UTRN: variants seen among roughly 807,000 people sequenced by gnomAD.
UTRN encodes the protein dystrophin-related protein 1.
UTRN carries 283 observed loss-of-function variants against 463.9 expected under a neutral mutation model. The ratio of observed to expected loss-of-function variants is 0.61; its 90% CI spans 0.55 to 0.67. The LOEUF is 0.67. Among genes scored for constraint, UTRN ranks in the 30% least tolerant of loss-of-function variants. The probability of loss-of-function intolerance (pLI) is 0.00; values close to 1 mark genes in which losing one functional copy is unlikely to be tolerated. For missense variants in UTRN, 3,922 were observed against 4,084.3 expected (o/e 0.96, Z 1.08); for synonymous variants, 1,442 against 1,431.5 (o/e 1.01, Z -0.17).
At chr6:144,655,171 T>A (rs1779200842) in intron 51 of UTRN, among the ~76,000 whole-genome samples, 1 of 152,246 alleles carries the variant, frequency 6.6e-6, no homozygotes, top group Admixed American at 6.5e-5. Context: ...GAGTTTTCCC[T>A]TTCATCAGGG....
At chr6:144,374,523 C>T (rs890591399) in intron 2 of UTRN, among the ~76,000 whole-genome samples, 2 of 151,282 alleles carry the variant, frequency 1.3e-5, no homozygotes, top group African/African-American at 4.9e-5. Context: ...CTCACTCTGT[C>T]ACCAGGCTGG....
intron 2 of UTRN, chr6:144,344,183 T>C (rs1416265257): frequency 1.5e-6 from 2 of 1,303,186 alleles, no homozygotes; most frequent in South Asian, 2.5e-5. Context: ...CCACATCTTT[T>C]TCCTCATCAT....
intron 46 of UTRN, among the ~76,000 whole-genome samples, chr6:144,543,828 G>A (rs1319658003): frequency 2.0e-5 from 3 of 149,406 alleles, no homozygotes; most frequent in Non-Finnish European, 3.0e-5. Context: ...TTCATTTTTC[G>A]AGATTGCAAG....
chr6:144,360,410 T>C, intron 2 of UTRN, among the ~76,000 whole-genome samples: 1 of 152,112 alleles, frequency 6.6e-6, no homozygotes, highest in Non-Finnish European at 1.5e-5. Flanking sequence ...TGACCTCAAG[T>C]GATCCATCCA....
chr6:144,828,152 C>G (rs774079268), intron 68 of UTRN, among the ~76,000 whole-genome samples: 16 of 152,080 alleles, frequency 1.1e-4, no homozygotes, highest in Non-Finnish European at 1.9e-4. Flanking sequence ...GTCTGTGATT[C>G]TAGTAAGTAG....
chr6:144,695,493 G>A (rs1420398957), intron 52 of UTRN, among the ~76,000 whole-genome samples: 5 of 152,092 alleles, frequency 3.3e-5, no homozygotes, highest in Middle Eastern at 3.4e-3. Context: ...ACAGGCACCC[G>A]CCATTACGCC....
chr6:144,468,172 A>G (rs1293348096), intron 23 of UTRN, among the ~76,000 whole-genome samples: 1 of 152,128 alleles, frequency 6.6e-6, no homozygotes, highest in Non-Finnish European at 1.5e-5. Flanking sequence ...TTAAATCCAG[A>G]TTTACCAAGC....
At chr6:144,431,132 ATCT>A (rs1162724564) in intron 9 of UTRN, among the ~76,000 whole-genome samples, 1 of 152,098 alleles carries the variant, frequency 6.6e-6, no homozygotes, top group Non-Finnish European at 1.5e-5. Context: ...GGCTCAGATG[ATCT>A]TCTGAGTTTG....
intron 19 of UTRN, among the ~76,000 whole-genome samples, chr6:144,454,770 C>T (rs919355812): frequency 2.6e-5 from 4 of 152,188 alleles, no homozygotes; most frequent in South Asian, 4.2e-4. Flanking sequence ...TACCTTTACT[C>T]GTTCCTCAGC....
chr6:144,705,061 G>T (rs1586123751), intron 53 of UTRN, among the ~76,000 whole-genome samples: 1 of 152,288 alleles, frequency 6.6e-6, no homozygotes, highest in East Asian at 1.9e-4. Flanking sequence ...AAAGTCCAGT[G>T]TCACATTTTT....
chr6:144,502,937 G>A (rs1044002418), intron 34 of UTRN, among the ~76,000 whole-genome samples: 1 of 151,992 alleles, frequency 6.6e-6, no homozygotes, highest in Non-Finnish European at 1.5e-5. Context: ...TTTAATAATC[G>A]CTATTCTACC....
At chr6:144,509,305 T>A (rs1319725399) in intron 34 of UTRN, among the ~76,000 whole-genome samples, 1 of 152,088 alleles carries the variant, frequency 6.6e-6, no homozygotes, top group Non-Finnish European at 1.5e-5. Context: ...AATATACTTT[T>A]CGGTTTTTTT....
chr6:144,470,149 A>G (rs1238949332), intron 23 of UTRN, among the ~76,000 whole-genome samples: 2 of 151,864 alleles, frequency 1.3e-5, no homozygotes, highest in African/African-American at 4.8e-5. Context: ...TTTTCCCCAC[A>G]CTTCCCCCCC....
Position 144,344,221 on chromosome 6 carries a change from T to C in UTRN, c.79+52314T>C, listed in dbSNP as rs6917261. The C allele has an allele frequency of 0.035, 45,130 of 1,303,976 alleles. 9,576 individuals carry two copies. The African/African-American group carries it at 0.52, about 15-fold the overall frequency. The allele number at this position is 1,303,976 out of a possible 1,614,324, so 80.8% of individuals were successfully genotyped here. ...AAGCAGATGTAGGTGATGAGCGGCC[T>C]GGCAGCCACCACGTTTCATTGGAAA... On this transcript the variant is annotated intron_variant, in intron 2 of 74. Coordinates refer to ENST00000367545, the MANE Select transcript of UTRN (RefSeq NM_007124.3).
At chr6:144,336,547 A>C (rs1248462192) in intron 2 of UTRN, among the ~76,000 whole-genome samples, 4 of 152,076 alleles carry the variant, frequency 2.6e-5, no homozygotes, top group South Asian at 2.1e-4. Flanking sequence ...CCTTCCCATG[A>C]AGCTTGAAAG....
At chr6:144,434,037 C>T (rs1025305424) in intron 9 of UTRN, among the ~76,000 whole-genome samples, 16 of 152,238 alleles carry the variant, frequency 1.1e-4, no homozygotes, top group East Asian at 1.9e-4. Context: ...CGCCACTGCA[C>T]TCCAGCCTGG....
chr6:144,418,422 A>T (rs1318507999), intron 3 of UTRN, among the ~76,000 whole-genome samples: 2 of 146,190 alleles, frequency 1.4e-5, no homozygotes, highest in Non-Finnish European at 3.0e-5. Flanking sequence ...ACGGGATTTC[A>T]CTGTGTTAGC....
chr6:144,842,110 C>CAAAAAAAAA (rs35954430), intron 73 of UTRN, among the ~76,000 whole-genome samples: 1 of 62,102 alleles, frequency 1.6e-5, no homozygotes. Context: ...ACTTCCTCTC[C>CAAAAAAAAA]AAAAAAAAAA....
intron 54 of UTRN, 60 bp from the exon 55 acceptor site, chr6:144,748,186 G>A: frequency 3.9e-6 from 6 of 1,522,544 alleles, no homozygotes; most frequent in Non-Finnish European, 4.4e-6. Context: ...ACTCACACTT[G>A]GCTATTAAGA....
Sources: gnomAD v4.1 joint callset for allele counts (sites outside exome capture counted in the v4.1 genomes callset) on GRCh38, gnomAD v4.1.1 for gene constraint, MANE v1.5 for transcripts, NCBI Gene and HGNC (gene_info 2026-07-23, HGNC 2026-07-21) for gene names.